HOMER1: variants seen among roughly 807,000 people sequenced by gnomAD.
HOMER1 encodes homer scaffold protein 1.
HOMER1 carries 3 observed loss-of-function variants against 48.9 expected under a neutral mutation model. That is an observed-to-expected ratio of 0.06 (90% CI 0.03 to 0.16). The LOEUF is 0.16. Ranked by LOEUF, HOMER1 falls within the 10% of genes least tolerant of loss-of-function variation. The pLI, the probability that HOMER1 is intolerant of heterozygous loss-of-function variation, is 1.00. For missense variants in HOMER1, 247 were observed against 411.4 expected, an observed-to-expected ratio of 0.60 and a Z score of 3.46; for synonymous variants, 134 against 146.4, an observed-to-expected ratio of 0.92 and a Z score of 0.61.
At chr5:79,510,165 G>C (rs75295028) in intron 1 of HOMER1, among the ~76,000 whole-genome samples, 1,761 of 151,782 alleles carry the variant, frequency 0.012, 21 homozygotes, top group South Asian at 0.062. Context: ...CAATGAGAAA[G>C]GGTCATAGCC....
At chr5:79,422,945 T>C (rs955907284) in intron 5 of HOMER1, among the ~76,000 whole-genome samples, 1 of 151,262 alleles carries the variant, frequency 6.6e-6, no homozygotes, top group Non-Finnish European at 1.5e-5. Flanking sequence ...TTGTTATCAC[T>C]AACTTCACTG....
intron 8 of HOMER1, among the ~76,000 whole-genome samples, chr5:79,387,142 T>C (rs1309990963): frequency 3.3e-5 from 5 of 150,142 alleles, no homozygotes; most frequent in Non-Finnish European, 7.4e-5. Context: ...ACGTACACGT[T>C]TCTTTCTTTC....
intron 5 of HOMER1, among the ~76,000 whole-genome samples, chr5:79,417,813 C>T (rs1448438090): frequency 6.6e-6 from 1 of 152,126 alleles, no homozygotes; most frequent in Non-Finnish European, 1.5e-5. Context: ...TTGTACAATA[C>T]ATAGTGTTGT....
intron 1 of HOMER1, among the ~76,000 whole-genome samples, chr5:79,505,342 A>G (rs999977630): frequency 1.3e-5 from 2 of 152,198 alleles, no homozygotes; most frequent in Admixed American, 6.5e-5. Flanking sequence ...ATTCTCCTCT[A>G]CAGGCCTCTG....
At chr5:79,428,971 T>C (rs568993490) in intron 5 of HOMER1, among the ~76,000 whole-genome samples, 1 of 152,340 alleles carries the variant, frequency 6.6e-6, no homozygotes, top group Non-Finnish European at 1.5e-5. Context: ...CTAAAATTCA[T>C]AGGGAAATTC....
chr5:79,394,474 GA>G (rs1202788379), intron 8 of HOMER1, among the ~76,000 whole-genome samples: 2 of 152,126 alleles, frequency 1.3e-5, no homozygotes, highest in Non-Finnish European at 2.9e-5. Context: ...AGGTTGTTTT[GA>G]TAATATTTTT....
At chr5:79,469,279 C>CA (rs1167793813) in intron 1 of HOMER1, among the ~76,000 whole-genome samples, 1 of 152,156 alleles carries the variant, frequency 6.6e-6, no homozygotes, top group Non-Finnish European at 1.5e-5. Flanking sequence ...ACAATTTACA[C>CA]AAAACATATT....
intron 8 of HOMER1, among the ~76,000 whole-genome samples, chr5:79,380,567 C>T (rs2112188942): frequency 6.6e-6 from 1 of 152,332 alleles, no homozygotes; most frequent in South Asian, 2.1e-4. Flanking sequence ...GTGGCATTGT[C>T]CTTCTGAGCA....
intron 8 of HOMER1, among the ~76,000 whole-genome samples, chr5:79,395,186 G>T (rs917890707): frequency 2.0e-5 from 3 of 152,158 alleles, no homozygotes; most frequent in Admixed American, 2.0e-4. Flanking sequence ...TAGAGCTAAT[G>T]TAAGTTAAGT....
At chr5:79,387,101 T>TCTC (rs1580416137) in intron 8 of HOMER1, among the ~76,000 whole-genome samples, 3 of 124,128 alleles carry the variant, frequency 2.4e-5, no homozygotes, top group East Asian at 3.1e-4. Flanking sequence ...CTCTCTCTCT[T>TCTC]TCTTTCACAA....
intron 1 of HOMER1, among the ~76,000 whole-genome samples, chr5:79,487,250 G>T (rs1033854081): frequency 6.6e-6 from 1 of 152,190 alleles, no homozygotes. Context: ...CTGCACCCCT[G>T]CCTGGTGACA....
chr5:79,379,167 T>C (rs1187421127), intron 8 of HOMER1, among the ~76,000 whole-genome samples: 1 of 107,990 alleles, frequency 9.3e-6, no homozygotes, highest in Non-Finnish European at 1.8e-5. Context: ...AATATATTTA[T>C]ATATTATATA....
At chr5:79,445,040 A>G (rs1750838521) in intron 4 of HOMER1, among the ~76,000 whole-genome samples, 1 of 151,326 alleles carries the variant, frequency 6.6e-6, no homozygotes, top group African/African-American at 2.4e-5. Flanking sequence ...ATTCTTATTA[A>G]AAAAAAAATC....
chr5:79,388,343 CAA>C (rs1749168346), intron 8 of HOMER1, among the ~76,000 whole-genome samples: 1 of 152,110 alleles, frequency 6.6e-6, no homozygotes, highest in African/African-American at 2.4e-5. Flanking sequence ...ATTGTCTCTG[CAA>C]AAGAGGGTGT....
chr5:79,440,316 T>C (rs1245861320), intron 4 of HOMER1, among the ~76,000 whole-genome samples: 1 of 152,204 alleles, frequency 6.6e-6, no homozygotes, highest in Non-Finnish European at 1.5e-5. Context: ...AGACTTTTGT[T>C]TTTGAGACTT....
rs1004730072 is a variant in HOMER1, at chr5:79,437,813, C to T, written c.527+1197G>A. On this transcript the variant is annotated intron_variant, in intron 5 of 8. Transcript: ENST00000334082. ...GACTACAGGTGTGTGCACCAACATGCCTGGCCTAAGTTTTTACATATTTTT... is the reference window on the plus strand; with the variant it reads ...GACTACAGGTGTGTGCACCAACATGTCTGGCCTAAGTTTTTACATATTTTT... 3.9e-5 allele frequency among the ~76,000 whole-genome samples: 6 copies of T among 152,094 alleles called. No homozygotes were observed. The East Asian group carries it at 9.7e-4, about 24-fold the overall frequency.
rs76094835 is a variant in HOMER1, at chr5:79,501,616, G to A, written c.5+11154C>T. 9.6e-4 allele frequency among the ~76,000 whole-genome samples: 147 copies of A among 152,334 alleles called. 1 individual carries two copies. The highest frequency in any genetic ancestry group is 3.4e-3 in the African/African-American group (140 of 41,584). On this transcript the variant is annotated intron_variant, in intron 1 of 8. Coordinates refer to ENST00000334082, the MANE Select transcript of HOMER1 (RefSeq NM_004272.5). ...TCACCTATAAGAAACTAAGTTTGCA[G>A]TAAAATTAAGTCGTTGTAAACTACT...
In HOMER1 at chr5:79,512,764, C is replaced by G. The variant is rs762401859; in HGVS notation, c.5+6G>C. The G allele has an allele frequency of 1.9e-6, 3 of 1,613,266 alleles. No homozygotes were observed. Among genetic ancestry groups the G allele is most frequent in the Non-Finnish European group, 2.5e-6 (3 of 1,179,512 alleles). On this transcript the variant is annotated splice_donor_region_variant and intron_variant, in intron 1 of 8. Transcript: ENST00000334082. ...TCGAAGCTGTGTTAAGCACAAAAATCCTTACCCCATTTTGCCCAATGAAAA... is the reference window on the plus strand; with the variant it reads ...TCGAAGCTGTGTTAAGCACAAAAATGCTTACCCCATTTTGCCCAATGAAAA...
chr5:79,412,708 TCATAA>T (rs1423294764), intron 5 of HOMER1, among the ~76,000 whole-genome samples: 1 of 152,212 alleles, frequency 6.6e-6, no homozygotes, highest in Non-Finnish European at 1.5e-5. Context: ...ACCCAGTGTC[TCATAA>T]CATAATAGAC....
Sources: allele counts gnomAD v4.1 joint callset (sites outside exome capture counted in the v4.1 genomes callset), GRCh38; gene constraint gnomAD v4.1.1; transcripts MANE v1.5; gene names NCBI Gene and HGNC (gene_info 2026-07-23, HGNC 2026-07-21).